DMD: variants seen among roughly 807,000 people sequenced by gnomAD.
The protein encoded by DMD is mutant dystrophin.
Under a neutral mutation model 330.1 loss-of-function variants are expected in DMD, and 63 were observed. The observed-to-expected ratio is 0.19, with a 90% confidence interval of 0.16 to 0.24. DMD has a LOEUF of 0.24. Among genes scored for constraint, DMD ranks in the 10% least tolerant of loss-of-function variants. The pLI is 1.00. For synonymous variants in DMD, 1,223 were observed against 959.8 expected, an observed-to-expected ratio of 1.27 and a Z score of -5.07; for missense variants, 3,344 against 2,684.1, an observed-to-expected ratio of 1.25 and a Z score of -5.43.
chrX:32,654,361 G>GC, intron 9 of DMD, among the ~76,000 whole-genome samples: 1 of 111,565 alleles, frequency 9.0e-6, no homozygotes, highest in Non-Finnish European at 1.9e-5. Context: ...TTAGCATGAA[G>GC]GTTGTTGAAT....
intron 67 of DMD, among the ~76,000 whole-genome samples, chrX:31,203,308 A>AAG (rs2043710753): frequency 2.1e-5 from 1 of 47,575 alleles, no homozygotes; most frequent in African/African-American, 6.1e-5. Flanking sequence ...AAAAAAAGGA[A>AAG]AGAGAAAAAA....
At chrX:31,717,105 C>A (rs1022488840) in intron 52 of DMD, among the ~76,000 whole-genome samples, 1 of 111,270 alleles carries the variant, frequency 9.0e-6, no homozygotes, top group South Asian at 3.8e-4. Flanking sequence ...AAAATAAAAT[C>A]CACTTATATA....
At chrX:31,674,212 C>T (rs10521975) in intron 53 of DMD, among the ~76,000 whole-genome samples, 17,623 of 111,363 alleles carry the variant, frequency 0.16, 1,163 homozygotes, top group East Asian at 0.36. Context: ...ATGATGCCAT[C>T]GATCCTTCCA....
chrX:31,850,111 C>T (rs1382140072), intron 48 of DMD, among the ~76,000 whole-genome samples: 1 of 110,928 alleles, frequency 9.0e-6, no homozygotes, highest in Non-Finnish European at 1.9e-5. Flanking sequence ...GTGTTCTCAT[C>T]ACTTAGCTCC....
chrX:31,862,976 A>C (rs890901941), intron 48 of DMD, among the ~76,000 whole-genome samples: 2 of 112,384 alleles, frequency 1.8e-5, no homozygotes, highest in African/African-American at 6.5e-5. Flanking sequence ...AGACTATAAA[A>C]CCTTTGTCCA....
chrX:31,541,058 T>C (rs2073773502), intron 55 of DMD, among the ~76,000 whole-genome samples: 1 of 111,782 alleles, frequency 8.9e-6, no homozygotes, highest in Admixed American at 9.5e-5. Flanking sequence ...TCAATAAACA[T>C]CGATTTAGGA....
intron 38 of DMD, among the ~76,000 whole-genome samples, chrX:32,347,161 G>A (rs1295252651): frequency 3.6e-5 from 4 of 110,910 alleles, no homozygotes; most frequent in African/African-American, 9.8e-5. Context: ...AGAAACATAC[G>A]GCATAATATA....
chrX:32,402,438 T>A lies in DMD; in HGVS notation c.4233+9314A>T, dbSNP rs756812972. ...TGTATATATCACCACAATCCAACTT[T>A]AGGACATTTTTTATTAACCCCTAAA... On this transcript the variant is annotated intron_variant, in intron 30 of 78. Transcript: ENST00000357033. Among the ~76,000 whole-genome samples, 3 of 111,273 alleles carry A rather than the reference T, an allele frequency of 2.7e-5. No homozygotes were observed. The East Asian group carries it at 8.5e-4, about 32-fold the overall frequency.
intron 47 of DMD, among the ~76,000 whole-genome samples, chrX:31,899,198 C>T (rs923557548): frequency 9.0e-6 from 1 of 111,705 alleles, no homozygotes. Flanking sequence ...AGCTGCTTAG[C>T]ACAGGATTTG....
chrX:32,996,586 G>A (rs1458054563), intron 2 of DMD, among the ~76,000 whole-genome samples: 1 of 111,712 alleles, frequency 9.0e-6, no homozygotes, highest in Admixed American at 9.5e-5. Context: ...ACTTTGGGAG[G>A]CAGAGGCGGG....
chrX:32,654,169 C>A (rs58819631), intron 9 of DMD, among the ~76,000 whole-genome samples: 1 of 110,430 alleles, frequency 9.1e-6, no homozygotes, highest in Admixed American at 9.7e-5. Context: ...TTGCCCTGGC[C>A]GGAACTTCCA....
At chrX:31,340,835 C>T (rs2692987) in intron 61 of DMD, among the ~76,000 whole-genome samples, 51,261 of 110,831 alleles carry the variant, frequency 0.46, 8,416 homozygotes, top group East Asian at 0.72. Context: ...GAACATCTAC[C>T]AAGTACCACA....
chrX:31,696,481 A>C (rs1358870494), intron 52 of DMD, among the ~76,000 whole-genome samples: 1 of 111,972 alleles, frequency 8.9e-6, no homozygotes, highest in African/African-American at 3.2e-5. Flanking sequence ...ACCCTTGTGA[A>C]ATGTTCATGA....
chrX:31,562,973 C>T (rs1292143611), intron 55 of DMD, among the ~76,000 whole-genome samples: 1 of 112,384 alleles, frequency 8.9e-6, no homozygotes, highest in Non-Finnish European at 1.9e-5. Flanking sequence ...GTGCTGGCAC[C>T]ATTTATTGAA....
intron 2 of DMD, among the ~76,000 whole-genome samples, chrX:32,875,230 T>C (rs2083288293): frequency 9.0e-6 from 1 of 111,438 alleles, no homozygotes; most frequent in Admixed American, 9.6e-5. Context: ...CTCTTTCTGG[T>C]TCCCTGATTT....
intron 2 of DMD, among the ~76,000 whole-genome samples, chrX:32,903,492 C>A (rs945813015): frequency 9.1e-6 from 1 of 110,468 alleles, no homozygotes; most frequent in Admixed American, 9.7e-5. Flanking sequence ...CATTGGTTTC[C>A]AAGCCTAGCT....
intron 1 of DMD, among the ~76,000 whole-genome samples, chrX:33,198,733 G>C (rs2051101204): frequency 9.0e-6 from 1 of 110,648 alleles, no homozygotes; most frequent in African/African-American, 3.3e-5. Context: ...CACATAATCC[G>C]ACTGGCAAGT....
chrX:32,612,674 G>A (rs1172858069), intron 12 of DMD, among the ~76,000 whole-genome samples: 1 of 111,486 alleles, frequency 9.0e-6, no homozygotes, highest in Non-Finnish European at 1.9e-5. Flanking sequence ...TACGGTTAGA[G>A]AACTAGCACT....
intron 17 of DMD, among the ~76,000 whole-genome samples, chrX:32,540,508 G>A (rs756072389): frequency 1.8e-5 from 2 of 111,404 alleles, no homozygotes; most frequent in East Asian, 2.8e-4. Flanking sequence ...GGATGGTCAC[G>A]TTTATTATTA....
Sources: allele counts gnomAD v4.1 joint callset (sites outside exome capture counted in the v4.1 genomes callset), GRCh38; gene constraint gnomAD v4.1.1; transcripts MANE v1.5; gene names NCBI Gene and HGNC (gene_info 2026-07-23, HGNC 2026-07-21).